The following ST6GALNAC3 variants were observed in gnomAD, a reference collection of about 807,000 sequenced individuals.
ST6GALNAC3 encodes the protein alpha-N-acetylgalactosaminide alpha-2,6-sialyltransferase 3.
In ST6GALNAC3, 25 loss-of-function variants were observed where a neutral mutation model predicts 32.7. The ratio of observed to expected loss-of-function variants is 0.76; its 90% CI spans 0.56 to 1.07. The LOEUF (loss-of-function observed/expected upper bound fraction) is 1.07, where lower values mean the gene tolerates loss of function less well. Ranked by LOEUF, ST6GALNAC3 falls within the 50% of genes least tolerant of loss-of-function variation. The pLI is 0.00. For missense variants in ST6GALNAC3, 355 were observed against 382.4 expected (o/e 0.93, Z 0.60); for synonymous variants, 129 against 133.1 (o/e 0.97, Z 0.21).
At chr1:76,308,595 T>G (rs1367220275) in intron 1 of ST6GALNAC3, among the ~76,000 whole-genome samples, 1 of 152,024 alleles carries the variant, frequency 6.6e-6, no homozygotes, top group Admixed American at 6.6e-5. Context: ...ACAGGTAGAG[T>G]CTTCTAATTT....
chr1:76,443,155 G>A (rs1288114826), intron 3 of ST6GALNAC3, among the ~76,000 whole-genome samples: 2 of 151,970 alleles, frequency 1.3e-5, no homozygotes, highest in Non-Finnish European at 2.9e-5. Context: ...TGTTGTTGTT[G>A]TTTTGTTTTG....
chr1:76,223,448 G>A (rs1655894565), intron 1 of ST6GALNAC3, among the ~76,000 whole-genome samples: 3 of 152,082 alleles, frequency 2.0e-5, no homozygotes, highest in African/African-American at 4.8e-5. Flanking sequence ...TACCTATCAG[G>A]TGCCATTACT....
In ST6GALNAC3 at chr1:76,306,288, G is replaced by T. The variant is rs575862475; in HGVS notation, c.19-7517G>T. Among the ~76,000 whole-genome samples the T allele has an allele frequency of 2.1e-3, 316 of 152,108 alleles. 2 individuals carry two copies. The highest frequency in any genetic ancestry group is 7.0e-3 in the African/African-American group (291 of 41,526). ...ACTAGGTACCCTTTGACAGTCAATTGTATAGACTCTTATTGTAGGCAGTTT... is the reference window on the plus strand; with the variant it reads ...ACTAGGTACCCTTTGACAGTCAATTTTATAGACTCTTATTGTAGGCAGTTT... On this transcript the variant is annotated intron_variant, in intron 1 of 4. Transcript: ENST00000328299.
intron 1 of ST6GALNAC3, among the ~76,000 whole-genome samples, chr1:76,238,905 G>C (rs1055475945): frequency 2.0e-5 from 3 of 148,750 alleles, no homozygotes; most frequent in African/African-American, 7.4e-5. Flanking sequence ...GGACAGTTTA[G>C]ATAAGCAGCC....
chr1:76,569,644 G>A (rs12239615), intron 3 of ST6GALNAC3, among the ~76,000 whole-genome samples: 22,518 of 151,964 alleles, frequency 0.15, 1,736 homozygotes, highest in Middle Eastern at 0.2. Flanking sequence ...CTCCTAATAG[G>A]ACTACAATTA....
intron 1 of ST6GALNAC3, among the ~76,000 whole-genome samples, chr1:76,217,796 C>T (rs557729350): frequency 2.4e-4 from 37 of 152,330 alleles, no homozygotes; most frequent in African/African-American, 8.7e-4. Context: ...AATTACTTCA[C>T]TTAGAATAGT....
At chr1:76,197,148 A>G (rs1654251198) in intron 1 of ST6GALNAC3, among the ~76,000 whole-genome samples, 2 of 152,200 alleles carry the variant, frequency 1.3e-5, no homozygotes, top group South Asian at 4.1e-4. Context: ...ACAGGCCATC[A>G]TTGCCACTTT....
intron 3 of ST6GALNAC3, among the ~76,000 whole-genome samples, chr1:76,595,524 T>A (rs1216892565): frequency 6.6e-6 from 1 of 152,150 alleles, no homozygotes; most frequent in Non-Finnish European, 1.5e-5. Flanking sequence ...CTAAGCTTAA[T>A]CGATTGCACA....
At chr1:76,240,619 G>A (rs1231534072) in intron 1 of ST6GALNAC3, among the ~76,000 whole-genome samples, 1 of 152,150 alleles carries the variant, frequency 6.6e-6, no homozygotes, top group Non-Finnish European at 1.5e-5. Flanking sequence ...CCTGGGATGG[G>A]GATGCCCGGA....
At chr1:76,204,316 T>A (rs765412652) in intron 1 of ST6GALNAC3, among the ~76,000 whole-genome samples, 2 of 152,226 alleles carry the variant, frequency 1.3e-5, no homozygotes, top group Non-Finnish European at 2.9e-5. Context: ...GATTCCATAT[T>A]TTGGCTATTA....
chr1:76,131,407 A>G (rs1362698666), intron 1 of ST6GALNAC3, among the ~76,000 whole-genome samples: 1 of 152,208 alleles, frequency 6.6e-6, no homozygotes, highest in Admixed American at 6.5e-5. Flanking sequence ...CCCTGAGGGA[A>G]GACGGAAAAA....
chr1:76,622,735 A>G (rs1438344885), intron 3 of ST6GALNAC3, among the ~76,000 whole-genome samples: 2 of 152,002 alleles, frequency 1.3e-5, no homozygotes, highest in East Asian at 1.9e-4. Flanking sequence ...GAATTTCTTG[A>G]GTTCAGAACC....
chr1:76,138,687 G>A (rs1050341542), intron 1 of ST6GALNAC3, among the ~76,000 whole-genome samples: 1 of 152,114 alleles, frequency 6.6e-6, no homozygotes, highest in African/African-American at 2.4e-5. Context: ...ATATCTTTTT[G>A]TATGTTTCTT....
At chr1:76,572,805 G>T (rs567339181) in intron 3 of ST6GALNAC3, among the ~76,000 whole-genome samples, 6 of 152,222 alleles carry the variant, frequency 3.9e-5, no homozygotes, top group African/African-American at 1.4e-4. Flanking sequence ...GAGACAGCAG[G>T]CAGCTAAGAA....
At chr1:76,490,276 C>A (rs1246063419) in intron 3 of ST6GALNAC3, among the ~76,000 whole-genome samples, 1 of 152,026 alleles carries the variant, frequency 6.6e-6, no homozygotes, top group Non-Finnish European at 1.5e-5. Flanking sequence ...GCTCACCACA[C>A]TCTAGGCCTA....
intron 1 of ST6GALNAC3, among the ~76,000 whole-genome samples, chr1:76,152,586 C>A (rs1252043552): frequency 6.6e-6 from 1 of 152,146 alleles, no homozygotes; most frequent in Non-Finnish European, 1.5e-5. Context: ...CTGAGGCTTC[C>A]CAGGAGGCTG....
chr1:76,232,998 A>G (rs1266606808), intron 1 of ST6GALNAC3, among the ~76,000 whole-genome samples: 8 of 152,194 alleles, frequency 5.3e-5, no homozygotes, highest in African/African-American at 1.4e-4. Flanking sequence ...TCTGAGACAC[A>G]GGTACATGAG....
At chr1:76,494,429 G>GTATATATATATATATATTGCATGTGTATA (rs1660679356) in intron 3 of ST6GALNAC3, among the ~76,000 whole-genome samples, 2 of 53,420 alleles carry the variant, frequency 3.7e-5, no homozygotes, top group African/African-American at 1.3e-4. Flanking sequence ...GTGTGCATGT[G>GTATATATATATATATATTGCATGTGTATA]TATATATATA....
intron 1 of ST6GALNAC3, chr1:76,142,813 G>C (rs1033509936): frequency 6.7e-6 from 3 of 449,852 alleles, no homozygotes; most frequent in Admixed American, 2.4e-5. Flanking sequence ...TCCTTGTCTT[G>C]AATGCCTGCC....
Sources: allele counts gnomAD v4.1 joint callset (sites outside exome capture counted in the v4.1 genomes callset), GRCh38; gene constraint gnomAD v4.1.1; transcripts MANE v1.5; gene names NCBI Gene and HGNC (gene_info 2026-07-23, HGNC 2026-07-21).